C16orf96: variants seen among roughly 807,000 people sequenced by gnomAD.
The protein encoded by C16orf96 is chromosome 16 open reading frame 96.
C16orf96 carries 108 observed loss-of-function variants against 103.6 expected under a neutral mutation model. The observed-to-expected ratio is 1.04, with a 90% confidence interval of 0.89 to 1.22. C16orf96 has a LOEUF of 1.22. Among genes scored for constraint, C16orf96 ranks in the 50% most tolerant of loss-of-function variants. C16orf96 has a pLI of 0.00. For synonymous variants in C16orf96, 566 were observed against 593.5 expected (o/e 0.95, Z 0.67); for missense variants, 1,586 against 1,464.2 (o/e 1.08, Z -1.36).
intron 14 of C16orf96, among the ~76,000 whole-genome samples, chr16:4,596,197 G>C (rs961515699): frequency 6.6e-6 from 1 of 152,054 alleles, no homozygotes; most frequent in African/African-American, 2.4e-5. Context: ...GTAGCACGCC[G>C]TCCCATTGGC....
intron 7 of C16orf96, among the ~76,000 whole-genome samples, chr16:4,586,743 C>T (rs866043204): frequency 2.0e-5 from 3 of 152,288 alleles, no homozygotes; most frequent in Admixed American, 1.3e-4. Context: ...ATCCAGGGAG[C>T]GAAATCGTCC....
the C16orf96 span, among the ~76,000 whole-genome samples, chr16:4,539,911 C>T: frequency 6.6e-6 from 1 of 152,146 alleles, no homozygotes; most frequent in Non-Finnish European, 1.5e-5. Flanking sequence ...CCTGTGATTT[C>T]ATCTCCCACC....
At chr16:4,582,143 A>C (rs2059595664) in intron 7 of C16orf96, among the ~76,000 whole-genome samples, 1 of 151,650 alleles carries the variant, frequency 6.6e-6, no homozygotes, top group South Asian at 2.1e-4. Context: ...TTAGCCGGGC[A>C]TGGTGGCGGA....
At chr16:4,538,641 C>T in the C16orf96 span, 3 of 152,288 alleles carry the variant, frequency 2.0e-5, no homozygotes, top group African/African-American at 7.2e-5. Flanking sequence ...CGCCCAGACC[C>T]TTCCCCCGGG....
intron 7 of C16orf96, among the ~76,000 whole-genome samples, chr16:4,586,779 G>A (rs1018174237): frequency 2.0e-5 from 3 of 152,156 alleles, no homozygotes; most frequent in Non-Finnish European, 4.4e-5. Flanking sequence ...TTCCTTCCTT[G>A]GGTCTAACTC....
the C16orf96 span, among the ~76,000 whole-genome samples, chr16:4,542,714 C>T: frequency 1.3e-5 from 2 of 152,108 alleles, no homozygotes; most frequent in African/African-American, 2.4e-5. Context: ...AGGAGAATAG[C>T]TTCAACTGGG....
chr16:4,584,291 G>A (rs1596532290), intron 7 of C16orf96, among the ~76,000 whole-genome samples: 1 of 143,356 alleles, frequency 7.0e-6, no homozygotes, highest in Non-Finnish European at 1.5e-5. Flanking sequence ...AGGCTCAAGT[G>A]ATCCTCCCAC....
intron 13 of C16orf96, 34 bp from the exon 14 acceptor site, chr16:4,594,670 G>A: frequency 6.5e-7 from 1 of 1,549,650 alleles, no homozygotes; most frequent in African/African-American, 1.4e-5. Context: ...TCGGGTCGGG[G>A]GCTCCCTAAC....
At chr16:4,574,836 C>T (rs1209429306) in intron 3 of C16orf96, 47 bp downstream of exon 3, 2 of 1,539,608 alleles carry the variant, frequency 1.3e-6, no homozygotes, top group Admixed American at 2.0e-5. Context: ...TGGGACCCCC[C>T]AACCTCCCGG....
rs916984715 is a variant in C16orf96, at chr16:4,591,608, G to C, written c.2593-58G>C. 3 of 1,385,466 alleles carry C rather than the reference G, an allele frequency of 2.2e-6. No homozygotes were observed. The African/African-American group carries it at 4.3e-5, about 20-fold the overall frequency. The allele number at this position is 1,385,466 out of a possible 1,614,324, so 85.8% of individuals were successfully genotyped here. A position where few individuals can be genotyped will look rare whatever the true frequency, so the allele number is the denominator to read the frequency against. On this transcript the variant is annotated intron_variant, in intron 9 of 15. Coordinates refer to ENST00000444310, the MANE Select transcript of C16orf96 (RefSeq NM_001145011.2). ...GGTTGCTGCAACCCTCTTCTGGAAG[G>C]AGGCAGGGTGTGAATTCATAGAGTA...
chr16:4,591,543 A>C, intron 9 of C16orf96, 123 bp from the exon 10 acceptor site: 1 of 735,540 alleles, frequency 1.4e-6, no homozygotes, highest in African/African-American at 1.7e-5. Flanking sequence ...GGACTCCCTC[A>C]CTATTTTAGT....
rs1279492019 is a variant in C16orf96, at chr16:4,559,458, C to G, written c.420+2549C>G. Among the ~76,000 whole-genome samples, 3 of 151,496 alleles carry G rather than the reference C, an allele frequency of 2.0e-5. No homozygotes were observed. In the East Asian group the frequency reaches 5.8e-4, roughly 29 times the overall value. ...CCCAGCTACTCAGGAGGCTGAGGCACGAGAATCGCTTGAACCCTGGAGGTG... is the reference window on the plus strand; with the variant it reads ...CCCAGCTACTCAGGAGGCTGAGGCAGGAGAATCGCTTGAACCCTGGAGGTG... On this transcript the variant is annotated intron_variant, in intron 1 of 15. Transcript: ENST00000444310.
Position 4,588,701 on chromosome 16 carries a change from CTTTTTTTTTT to C in C16orf96, c.2592+385_2592+394del, listed in dbSNP as rs35941814. 1.2e-4 allele frequency among the ~76,000 whole-genome samples: 10 copies of C among 80,294 alleles called. No individual in the cohort carries two copies. In the Admixed American group the frequency reaches 1.5e-3, roughly 12 times the overall value. The allele number at this position is 80,294 out of a possible 152,430, so 52.7% of individuals were successfully genotyped here. A position where few individuals can be genotyped will look rare whatever the true frequency, so the allele number is the denominator to read the frequency against. On this transcript the variant is annotated intron_variant, in intron 9 of 15. Coordinates refer to ENST00000444310, the MANE Select transcript of C16orf96 (RefSeq NM_001145011.2). ...GAGGGGAAGGAAGAAGCAGCAATGTCTTTTTTTTTTTTTTTTTTTTTTTTCATACAGGGCC... is the reference window on the plus strand; with the variant it reads ...GAGGGGAAGGAAGAAGCAGCAATGTCTTTTTTTTTTTTTTCATACAGGGCC...
At chr16:4,592,272 A>C (rs1897076608) in intron 10 of C16orf96, 33 bp from the exon 11 acceptor site, 2 of 1,551,036 alleles carry the variant, frequency 1.3e-6, no homozygotes, top group South Asian at 2.4e-5. Flanking sequence ...TGGGCCCAGC[A>C]GGGGCAGCGG....
At chr16:4,545,600 C>A in the C16orf96 span, among the ~76,000 whole-genome samples, 2 of 152,128 alleles carry the variant, frequency 1.3e-5, no homozygotes, top group Non-Finnish European at 1.5e-5. Flanking sequence ...ATTTGATCAC[C>A]CTGACCTGCC....
rs182516168 is a variant in C16orf96, at chr16:4,580,207, C to G, written c.2352+82C>G. On this transcript the variant is annotated intron_variant, in intron 7 of 15. Coordinates refer to ENST00000444310, the MANE Select transcript of C16orf96 (RefSeq NM_001145011.2). ...GACCTTCTGGCCCTTCCCGAAGGTT[C>G]TGCATGAGGTGGGGATGCACTTGAG... 50 of 1,116,028 alleles carry G rather than the reference C, an allele frequency of 4.5e-5. No individual in the cohort carries two copies. In the Admixed American group the frequency reaches 1.6e-3, roughly 35 times the overall value. The allele number at this position is 1,116,028 out of a possible 1,614,324, so 69.1% of individuals were successfully genotyped here.
upstream of C16orf96, among the ~76,000 whole-genome samples, chr16:4,554,531 T>G (rs2059245959): frequency 6.6e-6 from 1 of 151,074 alleles, no homozygotes; most frequent in South Asian, 2.1e-4. Flanking sequence ...TTTGTATATT[T>G]TTTGAAGTAG....
At chr16:4,594,922 A>T in intron 14 of C16orf96, 119 bp downstream of exon 14, 4 of 1,073,036 alleles carry the variant, frequency 3.7e-6, no homozygotes, top group Non-Finnish European at 5.3e-6. Flanking sequence ...GAGTCCTCAC[A>T]CAGTCAGTCA....
intron 7 of C16orf96, among the ~76,000 whole-genome samples, 190 bp downstream of exon 7, chr16:4,580,315 C>CA (rs1555506260): frequency 1.6e-5 from 2 of 126,538 alleles, no homozygotes; most frequent in Admixed American, 8.7e-5. Flanking sequence ...CCACCACCCC[C>CA]CCCCACCCAT....
Sources: gnomAD v4.1 joint callset for allele counts (sites outside exome capture counted in the v4.1 genomes callset) on GRCh38, gnomAD v4.1.1 for gene constraint, MANE v1.5 for transcripts, NCBI Gene and HGNC (gene_info 2026-07-23, HGNC 2026-07-21) for gene names.